The following CMC2 variants were observed in gnomAD, a reference collection of about 807,000 sequenced individuals.
CMC2 encodes the protein C-X9-C motif containing 2, also known as COX assembly mitochondrial protein 2 homolog.
A neutral mutation model predicts 7.5 loss-of-function variants in CMC2; 5 were observed. That is an observed-to-expected ratio of 0.66 (90% CI 0.35 to 1.40). The LOEUF (loss-of-function observed/expected upper bound fraction) is 1.40, where lower values mean the gene tolerates loss of function less well. Ranked by LOEUF, CMC2 falls within the 40% of genes most tolerant of loss-of-function variation. The probability of loss-of-function intolerance (pLI) is 0.04; values close to 1 mark genes in which losing one functional copy is unlikely to be tolerated. For missense variants in CMC2, 115 were observed against 92.3 expected (o/e 1.25, Z -1.01); for synonymous variants, 37 against 31.4 (o/e 1.18, Z -0.60).
chr16:80,998,840 C>A (rs960991328), intron 1 of CMC2: 1 of 152,146 alleles, frequency 6.6e-6, no homozygotes, highest in African/African-American at 2.4e-5. Context: ...GAATTAAACA[C>A]AAAAACCATG....
At chr16:80,997,270 C>G (rs1396082846) in intron 2 of CMC2, 44 bp downstream of exon 2, 1 of 1,076,588 alleles carries the variant, frequency 9.3e-7, no homozygotes, top group Admixed American at 1.7e-5. Context: ...TGGGTTATAA[C>G]TAAGTTTCAT....
At chr16:81,000,066 A>G (rs1968740565) in intron 1 of CMC2, among the ~76,000 whole-genome samples, 1 of 152,234 alleles carries the variant, frequency 6.6e-6, no homozygotes, top group Non-Finnish European at 1.5e-5. Context: ...CAAAACAGCA[A>G]AAGAAACTAT....
rs1458185414 is a variant in CMC2 at position 80,970,528 on chromosome 16, C to G, written c.*5565G>C. On this transcript the variant is annotated 3_prime_UTR_variant, in exon 4 of 4. Coordinates refer to ENST00000219400, the MANE Select transcript of CMC2 (RefSeq NM_020188.5). ...TCAGTGAAATGTAAGGATTTAACAT[C>G]AGTCACAAGAGAAGTCTGATGTATC... 1 of 152,196 alleles carries G rather than the reference C, an allele frequency of 6.6e-6. No individual in the cohort carries two copies. The highest frequency in any genetic ancestry group is 2.4e-5 in the African/African-American group (1 of 41,450). The allele number at this position is 152,196 out of a possible 1,614,324, so 9.4% of individuals were successfully genotyped here.
Position 80,967,758 on chromosome 16 carries a change from T to A in CMC2, c.*8335A>T, listed in dbSNP as rs1289137452. On this transcript the variant is annotated 3_prime_UTR_variant, in exon 4 of 4. Coordinates refer to ENST00000219400, the MANE Select transcript of CMC2 (RefSeq NM_020188.5). The stretch of plus-strand genomic sequence containing the variant: ...TACTCCAGTGAAAAATAGCCAGGTC[T>A]AAATTTCTGTATGCAGAATTGCAGA... The A allele has an allele frequency of 1.3e-5, 2 of 152,244 alleles. No homozygotes were observed. The highest frequency in any genetic ancestry group is 2.9e-5 in the Non-Finnish European group (2 of 68,032). The allele number at this position is 152,244 out of a possible 1,614,324, so 9.4% of individuals were successfully genotyped here. A position where few individuals can be genotyped will look rare whatever the true frequency, so the allele number is the denominator to read the frequency against.
At chr16:80,992,793 G>C (rs867347600) in intron 2 of CMC2, among the ~76,000 whole-genome samples, 8 of 148,692 alleles carry the variant, frequency 5.4e-5, no homozygotes, top group Middle Eastern at 3.4e-3. Context: ...AACTGGGTAA[G>C]TGATCCTACT....
intron 2 of CMC2, among the ~76,000 whole-genome samples, chr16:80,986,731 A>G (rs1350070705): frequency 6.6e-6 from 1 of 152,252 alleles, no homozygotes; most frequent in Non-Finnish European, 1.5e-5. Context: ...TAAAGATGAC[A>G]CTGGCTTTCA....
At chr16:81,000,736 T>C (rs114421663) in intron 1 of CMC2, among the ~76,000 whole-genome samples, 2,848 of 152,294 alleles carry the variant, frequency 0.019, 92 homozygotes, top group African/African-American at 0.065. Context: ...AGAATGCTTA[T>C]ACACTGTTGT....
rs370169239 is a variant in CMC2, at chr16:80,971,935, G to A, written c.*4158C>T. The A allele has an allele frequency of 1.3e-5, 2 of 152,194 alleles. No individual in the cohort carries two copies. Among genetic ancestry groups the A allele is most frequent in the Non-Finnish European group, 2.9e-5 (2 of 68,040 alleles). 9.4% of individuals were successfully genotyped at this position (152,194 alleles called of 1,614,324 possible). On this transcript the variant is annotated 3_prime_UTR_variant, in exon 4 of 4. Transcript: ENST00000219400. ...TTCAGACGTGGTATACACTCAGCCA[G>A]TTTCTTTTCTCTAAGTGAGAGAAAC...
At chr16:81,002,022 A>C (rs996236018) in intron 1 of CMC2, among the ~76,000 whole-genome samples, 3 of 152,232 alleles carry the variant, frequency 2.0e-5, no homozygotes, top group African/African-American at 7.2e-5. Context: ...ATTAAGTTTC[A>C]TACAGTTCAG....
intron 3 of CMC2, 79 bp downstream of exon 3, chr16:80,981,727 A>G (rs1046570274): frequency 4.1e-5 from 35 of 852,014 alleles, no homozygotes; most frequent in Non-Finnish European, 5.4e-5. Flanking sequence ...GAAAAATTCA[A>G]TAATGGCAGT....
intron 1 of CMC2, 160 bp downstream of exon 1, chr16:81,006,574 G>T: frequency 2.5e-6 from 1 of 401,482 alleles, no homozygotes; most frequent in Non-Finnish European, 3.4e-6. Flanking sequence ...AGCCTCCCCA[G>T]CGCAGCAGCC....
chr16:80,986,929 A>C lies in CMC2; in HGVS notation c.82-5052T>G, dbSNP rs553364401. 4.3e-4 allele frequency among the ~76,000 whole-genome samples: 66 copies of C among 152,310 alleles called. No individual in the cohort carries two copies. In the South Asian group the frequency reaches 5.2e-3, roughly 12 times the overall value. On this transcript the variant is annotated intron_variant, in intron 2 of 3. Coordinates refer to ENST00000219400, the MANE Select transcript of CMC2 (RefSeq NM_020188.5). ...AGGAAAGCGAATGATTTTTTGCAGG[A>C]AGGTGTAGCCTAGGGTATCCTGAAG... is the stretch of plus-strand genomic sequence containing the variant.
intron 1 of CMC2, among the ~76,000 whole-genome samples, chr16:81,004,041 G>A (rs568767646): frequency 6.6e-6 from 1 of 152,264 alleles, no homozygotes. Context: ...TAGCCAACAT[G>A]GTGAAACCCA....
In CMC2 at chr16:80,975,814, T is replaced by A. The variant is rs1252447133; in HGVS notation, c.*279A>T. ...AAGGAGAAAAAAATTATTTAAATTA[T>A]TTTATTGAAGGAGATAAGTTACTCA... On this transcript the variant is annotated 3_prime_UTR_variant, in exon 4 of 4. Transcript: ENST00000219400. 1.3e-5 allele frequency: 3 copies of A among 229,654 alleles called. No individual in the cohort carries two copies. The highest frequency in any genetic ancestry group is 2.3e-5 in the African/African-American group (1 of 44,028). 14.2% of individuals were successfully genotyped at this position (229,654 alleles called of 1,614,324 possible).
chr16:80,988,701 C>A, intron 2 of CMC2: 1 of 595,986 alleles, frequency 1.7e-6, no homozygotes, highest in South Asian at 2.0e-5. Context: ...CAAATTTCAC[C>A]AATTTGCCTA....
Position 80,970,849 on chromosome 16 carries a change from A to G in CMC2, c.*5244T>C, listed in dbSNP as rs1567498510. 6.6e-6 allele frequency: 1 copy of G among 152,204 alleles called. No individual in the cohort carries two copies. Among genetic ancestry groups the G allele is most frequent in the South Asian group, 2.1e-4 (1 of 4,836 alleles). 9.4% of individuals were successfully genotyped at this position (152,204 alleles called of 1,614,324 possible). The stretch of plus-strand genomic sequence containing the variant: ...CTGCTTTATAAAAAAATTTTAAGAG[A>G]TATTAGAATAAGTAATTTTAAAAAT... On this transcript the variant is annotated 3_prime_UTR_variant, in exon 4 of 4. Coordinates refer to ENST00000219400, the MANE Select transcript of CMC2 (RefSeq NM_020188.5).
chr16:80,988,146 C>A (rs1013863019), intron 2 of CMC2, among the ~76,000 whole-genome samples: 42 of 152,100 alleles, frequency 2.8e-4, no homozygotes, highest in African/African-American at 9.2e-4. Context: ...ATTGTGCCAC[C>A]GCACTCGAGC....
chr16:80,994,699 G>A (rs2549861), intron 2 of CMC2, among the ~76,000 whole-genome samples: 1 of 152,050 alleles, frequency 6.6e-6, no homozygotes, highest in Admixed American at 6.5e-5. Flanking sequence ...ATATTAGGCA[G>A]TGGTGATGGA....
At chr16:80,998,388 G>A (rs1181760700) in intron 1 of CMC2, 1 of 151,928 alleles carries the variant, frequency 6.6e-6, no homozygotes, top group African/African-American at 2.4e-5. Flanking sequence ...AAACGCTAAA[G>A]AGGATGTGGA....
Sources: allele counts gnomAD v4.1 joint callset (sites outside exome capture counted in the v4.1 genomes callset), GRCh38; gene constraint gnomAD v4.1.1; transcripts MANE v1.5; gene names NCBI Gene and HGNC (gene_info 2026-07-23, HGNC 2026-07-21).